The following DCC variants were observed in gnomAD, a reference collection of about 807,000 sequenced individuals.
DCC encodes the protein DCC netrin 1 receptor.
In DCC, 58 loss-of-function variants were observed where a neutral mutation model predicts 172.5. The observed-to-expected ratio is 0.34, with a 90% confidence interval of 0.27 to 0.42. The LOEUF (loss-of-function observed/expected upper bound fraction) is 0.42, where lower values mean the gene tolerates loss of function less well. Among genes scored for constraint, DCC ranks in the 10% least tolerant of loss-of-function variants. The pLI, the probability that DCC is intolerant of heterozygous loss-of-function variation, is 1.00. For missense variants in DCC, 1,740 were observed against 1,791.0 expected (o/e 0.97, Z 0.51); for synonymous variants, 709 against 644.5 (o/e 1.10, Z -1.52).
rs771876514 is a variant in DCC, at chr18:53,307,897, GTATATATATATATATATA to G, written c.2053+2214_2053+2231del. Among the ~76,000 whole-genome samples, 305 of 67,412 alleles carry G rather than the reference GTATATATATATATATATA, an allele frequency of 4.5e-3. 5 individuals carry two copies. Among genetic ancestry groups the G allele is most frequent in the South Asian group, 8.7e-3 (18 of 2,076 alleles). 44.2% of individuals were successfully genotyped at this position (67,412 alleles called of 152,430 possible). On this transcript the variant is annotated intron_variant, in intron 13 of 28. Coordinates refer to ENST00000442544, the MANE Select transcript of DCC (RefSeq NM_005215.4). ...CTTCTGGAAAGCAATGTGTGTGTATGTATATATATATATATATATATATATATATATATATATATATAT... is the reference window on the plus strand; with the variant it reads ...CTTCTGGAAAGCAATGTGTGTGTATGTATATATATATATATATATATATAT...
chr18:53,121,666 C>A (rs2144289914), intron 7 of DCC, among the ~76,000 whole-genome samples: 1 of 151,868 alleles, frequency 6.6e-6, no homozygotes, highest in South Asian at 2.1e-4. Flanking sequence ...ACTCTTTTTT[C>A]AAATACAATG....
intron 1 of DCC, among the ~76,000 whole-genome samples, chr18:52,525,236 G>A (rs567688585): frequency 1.5e-4 from 23 of 152,134 alleles, no homozygotes; most frequent in Middle Eastern, 6.8e-3. Context: ...AGGATGTCTA[G>A]TCTATATGAT....
chr18:52,364,195 T>G (rs1598863708), intron 1 of DCC, among the ~76,000 whole-genome samples: 2 of 152,244 alleles, frequency 1.3e-5, no homozygotes, highest in Admixed American at 6.5e-5. Context: ...ACACTAAATG[T>G]CTTTATGGCC....
At chr18:53,467,570 A>G (rs1467117428) in intron 24 of DCC, among the ~76,000 whole-genome samples, 1 of 152,234 alleles carries the variant, frequency 6.6e-6, no homozygotes, top group Admixed American at 6.5e-5. Context: ...TACCTTTTAT[A>G]GCAGGTTACA....
intron 12 of DCC, among the ~76,000 whole-genome samples, chr18:53,262,314 A>G (rs1310100418): frequency 6.6e-6 from 1 of 152,118 alleles, no homozygotes; most frequent in East Asian, 1.9e-4. Context: ...ACCAAATGCT[A>G]TTTTCTGCAA....
intron 1 of DCC, among the ~76,000 whole-genome samples, chr18:52,605,524 G>A (rs1273929928): frequency 6.6e-6 from 1 of 152,110 alleles, no homozygotes; most frequent in Non-Finnish European, 1.5e-5. Context: ...AAGAAATTTA[G>A]AACTCCAGAA....
intron 12 of DCC, among the ~76,000 whole-genome samples, chr18:53,303,612 G>A (rs1383393672): frequency 2.0e-5 from 3 of 152,170 alleles, no homozygotes; most frequent in Non-Finnish European, 4.4e-5. Context: ...GGTGTGGCCT[G>A]TCTGTTTGGC....
At chr18:52,796,324 T>G (rs1473415341) in intron 2 of DCC, among the ~76,000 whole-genome samples, 1 of 152,134 alleles carries the variant, frequency 6.6e-6, no homozygotes, top group Non-Finnish European at 1.5e-5. Context: ...TATTTTCTTA[T>G]GGTTTATCAT....
chr18:52,602,295 G>C (rs2034032822), intron 1 of DCC, among the ~76,000 whole-genome samples: 1 of 151,854 alleles, frequency 6.6e-6, no homozygotes, highest in Admixed American at 6.6e-5. Context: ...TCGTAAATAT[G>C]TATTTTTATA....
At position 53,155,884 on chromosome 18, in the gene DCC, G is replaced by A. The variant is rs185568392; in HGVS notation, c.1262-1472G>A. 5.3e-3 allele frequency among the ~76,000 whole-genome samples: 807 copies of A among 152,222 alleles called. 6 individuals are homozygous for A. Among genetic ancestry groups the A allele is most frequent in the South Asian group, 0.017 (82 of 4,826 alleles). On this transcript the variant is annotated intron_variant, in intron 7 of 28. Coordinates refer to ENST00000442544, the MANE Select transcript of DCC (RefSeq NM_005215.4). ...TCTACCAAAAATACACAAATTAGCC[G>A]GGTGTGGTGGTGTGTGCCTGTAATC...
chr18:52,403,115 A>G (rs987472783), intron 1 of DCC, among the ~76,000 whole-genome samples: 14 of 151,972 alleles, frequency 9.2e-5, no homozygotes, highest in African/African-American at 2.7e-4. Flanking sequence ...GCATTTGACT[A>G]TTTGTTTTTT....
At chr18:52,899,850 T>C (rs72922295) in intron 2 of DCC, among the ~76,000 whole-genome samples, 1 of 152,156 alleles carries the variant, frequency 6.6e-6, no homozygotes, top group Non-Finnish European at 1.5e-5. Flanking sequence ...TCCTAAACTT[T>C]CCAATATTTA....
intron 1 of DCC, among the ~76,000 whole-genome samples, chr18:52,388,805 G>T (rs1219717450): frequency 6.6e-6 from 1 of 152,146 alleles, no homozygotes; most frequent in African/African-American, 2.4e-5. Flanking sequence ...GGCATGGTCA[G>T]GTCAAGCTGT....
chr18:52,677,299 G>C (rs1333909715), intron 1 of DCC, among the ~76,000 whole-genome samples: 1 of 151,992 alleles, frequency 6.6e-6, no homozygotes, highest in Non-Finnish European at 1.5e-5. Flanking sequence ...CTAATTATGA[G>C]AAAGTAAGTG....
intron 13 of DCC, 31 bp downstream of exon 13, chr18:53,305,750 G>C (rs1156870035): frequency 1.2e-6 from 2 of 1,608,362 alleles, no homozygotes; most frequent in Non-Finnish European, 1.7e-6. Context: ...GTCTTGCAAG[G>C]TTTTGATGAA....
chr18:52,748,619 A>C (rs951027377), intron 1 of DCC, among the ~76,000 whole-genome samples: 3 of 152,204 alleles, frequency 2.0e-5, no homozygotes, highest in African/African-American at 7.2e-5. Flanking sequence ...CTCGGGCAGC[A>C]GTGGAGGGCT....
intron 7 of DCC, among the ~76,000 whole-genome samples, chr18:53,118,265 G>A (rs1022866675): frequency 6.6e-6 from 1 of 151,674 alleles, no homozygotes; most frequent in Admixed American, 6.6e-5. Context: ...AAACCACTGT[G>A]TATAATTTTC....
chr18:53,475,736 C>T (rs2045754472), intron 25 of DCC, among the ~76,000 whole-genome samples: 1 of 152,176 alleles, frequency 6.6e-6, no homozygotes, highest in Non-Finnish European at 1.5e-5. Context: ...GGGGTCAGAG[C>T]CCCCACACAG....
chr18:52,999,938 A>T (rs2041538412), intron 5 of DCC, among the ~76,000 whole-genome samples: 1 of 152,054 alleles, frequency 6.6e-6, no homozygotes, highest in African/African-American at 2.4e-5. Flanking sequence ...AAGGGAATAC[A>T]TAGCCATGCA....
Sources: gnomAD v4.1 joint callset for allele counts (sites outside exome capture counted in the v4.1 genomes callset) on GRCh38, gnomAD v4.1.1 for gene constraint, MANE v1.5 for transcripts, NCBI Gene and HGNC (gene_info 2026-07-23, HGNC 2026-07-21) for gene names.